The following MDGA2 variants were observed in gnomAD, a reference collection of about 807,000 sequenced individuals.
The protein encoded by MDGA2 is MAM domain-containing glycosylphosphatidylinositol anchor protein 2.
A neutral mutation model predicts 117.8 loss-of-function variants in MDGA2; 40 were observed. That is an observed-to-expected ratio of 0.34 (90% confidence interval 0.26 to 0.44). The LOEUF is 0.44. Ranked by LOEUF, MDGA2 falls within the 20% of genes least tolerant of loss-of-function variation. The pLI, the probability that MDGA2 is intolerant of heterozygous loss-of-function variation, is 1.00. For synonymous variants in MDGA2, 452 were observed against 439.0 expected (o/e 1.03, Z -0.37); for missense variants, 1,123 against 1,250.6 (o/e 0.90, Z 1.54).
rs1371774530 is a variant in MDGA2 at position 47,043,775 on chromosome 14, G to C, written c.1526-8471C>G. ...GTCTTTTCAACTGCTTAACATACTTGACTTATTCCCATTGCCTCACCTTCC... is the reference window on the plus strand; with the variant it reads ...GTCTTTTCAACTGCTTAACATACTTCACTTATTCCCATTGCCTCACCTTCC... On this transcript the variant is annotated intron_variant, in intron 7 of 16. Coordinates refer to ENST00000399232, the MANE Select transcript of MDGA2 (RefSeq NM_001113498.3). 2.0e-5 allele frequency among the ~76,000 whole-genome samples: 3 copies of C among 151,978 alleles called. No homozygotes were observed. The East Asian group carries it at 5.8e-4, about 29-fold the overall frequency.
At chr14:47,245,401 A>C (rs1887204445) in intron 2 of MDGA2, among the ~76,000 whole-genome samples, 1 of 151,890 alleles carries the variant, frequency 6.6e-6, no homozygotes, top group East Asian at 1.9e-4. Context: ...ACTTCTGGTC[A>C]ACAGTAAGCT....
At chr14:47,180,105 G>A (rs1245451763) in intron 3 of MDGA2, among the ~76,000 whole-genome samples, 1 of 152,116 alleles carries the variant, frequency 6.6e-6, no homozygotes. Context: ...ATGGGGGTTT[G>A]TTGTACAGAT....
chr14:47,224,114 T>G (rs1487724061), intron 2 of MDGA2, among the ~76,000 whole-genome samples: 1 of 152,156 alleles, frequency 6.6e-6, no homozygotes, highest in East Asian at 1.9e-4. Flanking sequence ...CATTTGTGTT[T>G]AAATCCTCTT....
intron 1 of MDGA2, among the ~76,000 whole-genome samples, chr14:47,657,991 T>C (rs924502186): frequency 5.3e-5 from 8 of 152,130 alleles, no homozygotes; most frequent in Non-Finnish European, 1.2e-4. Context: ...TCATGACATA[T>C]GTAGGGTACC....
intron 8 of MDGA2, among the ~76,000 whole-genome samples, chr14:47,033,767 A>G (rs933312470): frequency 6.6e-6 from 1 of 152,190 alleles, no homozygotes; most frequent in Non-Finnish European, 1.5e-5. Flanking sequence ...CAAATAGCAT[A>G]TCTGGAATCT....
chr14:47,017,185 A>G lies in MDGA2; in HGVS notation c.1819+17826T>C, dbSNP rs545587732. 4.0e-5 allele frequency among the ~76,000 whole-genome samples: 6 copies of G among 151,396 alleles called. No homozygotes were observed. In the East Asian group the frequency reaches 1.2e-3, roughly 30 times the overall value. ...CAAAGGAAAACATTTTCCTGACTTC[A>G]TGCTCCTTTGCTGTCCATAGAGACA... On this transcript the variant is annotated intron_variant, in intron 8 of 16. Coordinates refer to ENST00000399232, the MANE Select transcript of MDGA2 (RefSeq NM_001113498.3).
chr14:47,212,185 T>C (rs1471351653), intron 3 of MDGA2, among the ~76,000 whole-genome samples: 1 of 152,198 alleles, frequency 6.6e-6, no homozygotes, highest in Non-Finnish European at 1.5e-5. Context: ...CCAACATTCC[T>C]TATGCTATTT....
At chr14:47,226,716 G>T (rs1049683388) in intron 2 of MDGA2, among the ~76,000 whole-genome samples, 1 of 152,094 alleles carries the variant, frequency 6.6e-6, no homozygotes, top group Admixed American at 6.6e-5. Context: ...GCACTGCCAA[G>T]ACATTACTCT....
At chr14:47,494,386 G>A (rs906811148) in intron 1 of MDGA2, among the ~76,000 whole-genome samples, 2 of 152,046 alleles carry the variant, frequency 1.3e-5, no homozygotes, top group African/African-American at 4.8e-5. Context: ...TAAAATTAAG[G>A]CTAACAGCCA....
intron 1 of MDGA2, among the ~76,000 whole-genome samples, chr14:47,616,541 C>T (rs1008581808): frequency 1.3e-5 from 2 of 152,100 alleles, no homozygotes; most frequent in East Asian, 1.9e-4. Context: ...AGTTTCCAAA[C>T]GCTCTTCTAT....
chr14:47,549,567 C>T (rs1895539895), intron 1 of MDGA2, among the ~76,000 whole-genome samples: 1 of 152,060 alleles, frequency 6.6e-6, no homozygotes, highest in Non-Finnish European at 1.5e-5. Flanking sequence ...CTTGGCTTTG[C>T]TGACTATTAT....
At chr14:47,525,883 C>T (rs1320987661) in intron 1 of MDGA2, among the ~76,000 whole-genome samples, 2 of 151,848 alleles carry the variant, frequency 1.3e-5, no homozygotes, top group Non-Finnish European at 2.9e-5. Flanking sequence ...CTGTCCCATT[C>T]TCTTGCTCTT....
At chr14:46,905,179 G>A (rs1883440488) in intron 10 of MDGA2, among the ~76,000 whole-genome samples, 1 of 152,032 alleles carries the variant, frequency 6.6e-6, no homozygotes, top group Non-Finnish European at 1.5e-5. Flanking sequence ...TCCTTAAAGT[G>A]AGTCCTGGAA....
At chr14:47,656,161 A>G (rs941360684) in intron 1 of MDGA2, among the ~76,000 whole-genome samples, 1 of 152,208 alleles carries the variant, frequency 6.6e-6, no homozygotes, top group Non-Finnish European at 1.5e-5. Flanking sequence ...CAGCCAAGTC[A>G]TAAGATCAAG....
At chr14:46,873,918 C>A (rs1882119562) in intron 13 of MDGA2, 127 bp downstream of exon 13, 1 of 831,154 alleles carries the variant, frequency 1.2e-6, no homozygotes. Flanking sequence ...TAAATTGATA[C>A]TGTACAGAAA....
rs141325270 is a variant in MDGA2 at position 47,445,297 on chromosome 14, C to T, written c.281-143747G>A. ...AGAAGGAAGGAAGAGATAAAACACA[C>T]TTGAAACAGCAGCAAGATCGTGGAA... is the stretch of plus-strand genomic sequence containing the variant. On this transcript the variant is annotated intron_variant, in intron 1 of 16. Transcript: ENST00000399232. Among the ~76,000 whole-genome samples the T allele has an allele frequency of 1.1e-3, 172 of 152,250 alleles. 2 individuals carry two copies. The East Asian group carries it at 0.029, about 26-fold the overall frequency.
chr14:47,132,529 G>A (rs1223781897), intron 4 of MDGA2, among the ~76,000 whole-genome samples: 1 of 151,850 alleles, frequency 6.6e-6, no homozygotes, highest in South Asian at 2.1e-4. Flanking sequence ...CAAGCAAGTG[G>A]CCAGAAGTAT....
At chr14:47,415,861 C>T (rs1040090029) in intron 1 of MDGA2, among the ~76,000 whole-genome samples, 7 of 152,080 alleles carry the variant, frequency 4.6e-5, no homozygotes, top group Non-Finnish European at 7.4e-5. Flanking sequence ...CTCTCTGGGG[C>T]CTCTTTTATA....
chr14:47,010,005 T>C (rs1887841993), intron 8 of MDGA2, among the ~76,000 whole-genome samples: 1 of 152,004 alleles, frequency 6.6e-6, no homozygotes, highest in African/African-American at 2.4e-5. Context: ...CTTTCAAAAC[T>C]CAATTTAGAC....
Sources: allele counts gnomAD v4.1 joint callset (sites outside exome capture counted in the v4.1 genomes callset), GRCh38; gene constraint gnomAD v4.1.1; transcripts MANE v1.5; gene names NCBI Gene and HGNC (gene_info 2026-07-23, HGNC 2026-07-21).